Variants in CDH13 observed in about 807,000 individuals in gnomAD.
The protein encoded by CDH13 is cadherin 13.
CDH13 carries 24 observed loss-of-function variants against 63.8 expected under a neutral mutation model. That is an observed-to-expected ratio of 0.38 (90% CI 0.27 to 0.53). CDH13 has a LOEUF of 0.53. Ranked by LOEUF, CDH13 falls within the 20% of genes least tolerant of loss-of-function variation. The probability of loss-of-function intolerance (pLI) is 0.85; values close to 1 mark genes in which losing one functional copy is unlikely to be tolerated. For missense variants in CDH13, 1,049 were observed against 903.1 expected (o/e 1.16, Z -2.07); for synonymous variants, 503 against 355.3 (o/e 1.42, Z -4.67).
intron 3 of CDH13, among the ~76,000 whole-genome samples, chr16:83,077,941 C>T (rs894517856): frequency 6.6e-6 from 1 of 152,078 alleles, no homozygotes; most frequent in African/African-American, 2.4e-5. Context: ...ATTTGCGTTA[C>T]CCTAACTACC....
At chr16:83,305,908 G>A (rs1345979157) in intron 5 of CDH13, among the ~76,000 whole-genome samples, 1 of 152,206 alleles carries the variant, frequency 6.6e-6, no homozygotes, top group Admixed American at 6.5e-5. Flanking sequence ...AATAATGACA[G>A]TGCCTAACTT....
chr16:83,267,318 A>G (rs1279209154), intron 5 of CDH13, among the ~76,000 whole-genome samples: 1 of 152,120 alleles, frequency 6.6e-6, no homozygotes, highest in Admixed American at 6.5e-5. Flanking sequence ...CTGCTTTATC[A>G]TTCAGAGCCC....
rs528188240 is a variant in CDH13, at chr16:83,336,813, G to C, written c.637-8049G>C. On this transcript the variant is annotated intron_variant, in intron 5 of 13. Transcript: ENST00000567109. ...CTTTGTTTCTGATTCTGTTGATCTA[G>C]ATTTTGCATGTGTTGCTTGGGTCAT... Among the ~76,000 whole-genome samples, 62 of 152,320 alleles carry C rather than the reference G, an allele frequency of 4.1e-4. 1 individual carries two copies. Among genetic ancestry groups the C allele is most frequent in the African/African-American group, 1.4e-3 (59 of 41,580 alleles).
At chr16:83,098,052 A>T (rs200908681) in intron 3 of CDH13, among the ~76,000 whole-genome samples, 3 of 152,178 alleles carry the variant, frequency 2.0e-5, no homozygotes, top group South Asian at 4.1e-4. Flanking sequence ...TTAGGATACT[A>T]TTGGGATGGT....
intron 1 of CDH13, among the ~76,000 whole-genome samples, chr16:82,856,514 C>T (rs1328445565): frequency 6.6e-6 from 1 of 150,954 alleles, no homozygotes; most frequent in African/African-American, 2.4e-5. Flanking sequence ...GCAGCCTGTG[C>T]AACATAGTGA....
At chr16:82,941,288 A>T (rs112135290) in intron 2 of CDH13, among the ~76,000 whole-genome samples, 1,640 of 152,330 alleles carry the variant, frequency 0.011, 25 homozygotes, top group African/African-American at 0.038. Flanking sequence ...TGTTAACTGC[A>T]TGCCAACTGG....
chr16:82,733,186 G>A (rs2033490335), intron 1 of CDH13, among the ~76,000 whole-genome samples: 2 of 152,148 alleles, frequency 1.3e-5, no homozygotes, highest in Non-Finnish European at 2.9e-5. Flanking sequence ...CACATTGGCT[G>A]GCTTTACATA....
chr16:82,907,308 T>C (rs1167476813), intron 2 of CDH13, among the ~76,000 whole-genome samples: 3 of 152,180 alleles, frequency 2.0e-5, no homozygotes, highest in African/African-American at 7.2e-5. Flanking sequence ...CCCCTCCTCT[T>C]TACCCCTCAC....
Position 83,228,703 on chromosome 16 carries a change from G to C in CDH13, c.636+11206G>C, listed in dbSNP as rs2039917437. Reference sequence around the variant, plus strand: ...AGCGGAGTGCGTGCAGTTTAGAGCAGACGAGGGTGGGGCCATGGCAGGGCT... The same window carrying C: ...AGCGGAGTGCGTGCAGTTTAGAGCACACGAGGGTGGGGCCATGGCAGGGCT... On this transcript the variant is annotated intron_variant, in intron 5 of 13. Transcript: ENST00000567109. 2.0e-5 allele frequency among the ~76,000 whole-genome samples: 3 copies of C among 152,316 alleles called. 1 individual carries two copies. Among genetic ancestry groups the C allele is most frequent in the Admixed American group, 2.0e-4 (3 of 15,304 alleles).
intron 1 of CDH13, among the ~76,000 whole-genome samples, chr16:82,676,653 C>A (rs1255809042): frequency 6.6e-6 from 1 of 152,044 alleles, no homozygotes; most frequent in African/African-American, 2.4e-5. Flanking sequence ...GATCAAAATC[C>A]TTCAGTGGCC....
chr16:83,230,975 A>C (rs1317387038), intron 5 of CDH13, among the ~76,000 whole-genome samples: 1 of 152,242 alleles, frequency 6.6e-6, no homozygotes, highest in Non-Finnish European at 1.5e-5. Context: ...TACCATTTCC[A>C]TTCAGAATGG....
At chr16:83,767,752 A>C (rs1369576435) in intron 11 of CDH13, among the ~76,000 whole-genome samples, 1 of 152,174 alleles carries the variant, frequency 6.6e-6, no homozygotes, top group East Asian at 1.9e-4. Flanking sequence ...GACCCAAAAA[A>C]CTACCTACTA....
intron 6 of CDH13, among the ~76,000 whole-genome samples, chr16:83,428,975 G>A (rs1214485852): frequency 6.6e-6 from 1 of 152,176 alleles, no homozygotes; most frequent in East Asian, 1.9e-4. Context: ...TCCCTGTCAA[G>A]GGGCACAAAT....
intron 13 of CDH13, among the ~76,000 whole-genome samples, chr16:83,785,145 G>T (rs1915794041): frequency 1.3e-5 from 2 of 152,186 alleles, no homozygotes; most frequent in African/African-American, 4.8e-5. Context: ...TGGTCCAGAG[G>T]AGTTTGTATA....
chr16:83,682,132 G>A (rs917975080), intron 10 of CDH13, among the ~76,000 whole-genome samples: 7 of 152,212 alleles, frequency 4.6e-5, no homozygotes, highest in African/African-American at 1.7e-4. Flanking sequence ...CAAAAGAAGT[G>A]CAGCATAGAG....
chr16:83,246,515 A>G (rs942580914), intron 5 of CDH13, among the ~76,000 whole-genome samples: 2 of 151,864 alleles, frequency 1.3e-5, no homozygotes, highest in African/African-American at 2.4e-5. Flanking sequence ...TCTTCTCTAT[A>G]CTTTTCCATG....
At position 82,996,035 on chromosome 16, in the gene CDH13, C is replaced by T. The variant is rs77080511; in HGVS notation, c.158-35975C>T. 4.5e-3 allele frequency among the ~76,000 whole-genome samples: 686 copies of T among 152,140 alleles called. 4 individuals are homozygous for T. Among genetic ancestry groups the T allele is most frequent in the African/African-American group, 0.012 (505 of 41,524 alleles). On this transcript the variant is annotated intron_variant, in intron 2 of 13. Transcript: ENST00000567109. Reference sequence around the variant, plus strand: ...GAGTTGCCATCTTCCTGTTTTCTCCCTTGTTTGTTCATATGGCTGTGCTTT... The same window carrying T: ...GAGTTGCCATCTTCCTGTTTTCTCCTTTGTTTGTTCATATGGCTGTGCTTT...
rs372087996 is a variant in CDH13 at position 82,648,439 on chromosome 16, G to C, written c.45+21302G>C. The stretch of plus-strand genomic sequence containing the variant: ...GTTAGATTTCCAGCAAATGAAAACA[G>C]GTTAGGCAGCTCAATAGAATATTAC... On this transcript the variant is annotated intron_variant, in intron 1 of 13. Coordinates refer to ENST00000567109, the MANE Select transcript of CDH13 (RefSeq NM_001257.5). 3.3e-5 allele frequency among the ~76,000 whole-genome samples: 5 copies of C among 152,272 alleles called. No homozygotes were observed. In the East Asian group the frequency reaches 7.7e-4, roughly 23 times the overall value.
chr16:83,732,076 C>A (rs529675312), intron 10 of CDH13, among the ~76,000 whole-genome samples: 1 of 152,116 alleles, frequency 6.6e-6, no homozygotes, highest in African/African-American at 2.4e-5. Flanking sequence ...CACTGTGAGC[C>A]GGGTCCTAAC....
Sources: gnomAD v4.1 joint callset for allele counts (sites outside exome capture counted in the v4.1 genomes callset) on GRCh38, gnomAD v4.1.1 for gene constraint, MANE v1.5 for transcripts, NCBI Gene and HGNC (gene_info 2026-07-23, HGNC 2026-07-21) for gene names.